Variants in MTA3 observed in about 807,000 individuals in gnomAD.
The protein encoded by MTA3 is metastasis associated 1 family member 3, also known as metastasis-associated protein MTA3.
A neutral mutation model predicts 83.5 loss-of-function variants in MTA3; 34 were observed. The observed-to-expected ratio is 0.41, with a 90% CI of 0.31 to 0.54. The LOEUF (loss-of-function observed/expected upper bound fraction) is 0.54. Ranked by LOEUF, MTA3 falls within the 20% of genes least tolerant of loss-of-function variation. MTA3 has a pLI of 0.33. For synonymous variants in MTA3, 303 were observed against 252.7 expected, an observed-to-expected ratio of 1.20 and a Z score of -1.89; for missense variants, 761 against 726.4, an observed-to-expected ratio of 1.05 and a Z score of -0.55.
At chr2:42,660,135 C>G (rs952465820) in intron 8 of MTA3, among the ~76,000 whole-genome samples, 3 of 151,642 alleles carry the variant, frequency 2.0e-5, no homozygotes, top group Non-Finnish European at 2.9e-5. Flanking sequence ...TGTCACCAGG[C>G]TGGAGTGCAG....
chr2:42,699,925 C>T (rs1693718162), intron 11 of MTA3, among the ~76,000 whole-genome samples: 1 of 151,962 alleles, frequency 6.6e-6, no homozygotes, highest in South Asian at 2.1e-4. Context: ...AGGGCCTTGA[C>T]TTAGCCTTGA....
At chr2:42,508,465 G>A (rs552289365) in intron 2 of MTA3, among the ~76,000 whole-genome samples, 1 of 152,096 alleles carries the variant, frequency 6.6e-6, no homozygotes, top group South Asian at 2.1e-4. Flanking sequence ...CTGAGCATCT[G>A]GGACTACAGG....
chr2:42,506,606 G>A (rs1186352912), intron 2 of MTA3, among the ~76,000 whole-genome samples: 2 of 145,774 alleles, frequency 1.4e-5, no homozygotes, highest in African/African-American at 5.1e-5. Flanking sequence ...ACGGATTGGA[G>A]ATAATTTACT....
intron 9 of MTA3, among the ~76,000 whole-genome samples, chr2:42,694,145 C>T (rs532717720): frequency 2.1e-3 from 317 of 152,290 alleles, no homozygotes; most frequent in Non-Finnish European, 2.9e-3. Flanking sequence ...AGACAAAGTC[C>T]TCTTTACTCT....
intron 16 of MTA3, among the ~76,000 whole-genome samples, chr2:42,743,878 C>G (rs1489048234): frequency 6.6e-6 from 1 of 152,136 alleles, no homozygotes. Context: ...TGATGGCACT[C>G]CTAGGCATGC....
Position 42,704,237 on chromosome 2 carries a change from C to A in MTA3, c.1069C>A (p.Pro357Thr), listed in dbSNP as rs1379740136. 6.2e-7 allele frequency: 1 copy of A among 1,613,884 alleles called. No individual in the cohort carries two copies. The change falls in exon 12 of 17, where the codon CCT becomes ACT. Residue 357 changes from proline to threonine, a missense_variant. Physicochemically the swap from Pro to Thr is conservative, Grantham distance 38. Transcript: ENST00000405094. ...CCAAATATCCACTAGTAATGGGAAG[C>A]CTGGTGCTGTGAATGGAGCTGTGGG... ...PNQISTSNGKPGAVNGAVGTT... is the reference protein window; with the variant it reads ...PNQISTSNGKTGAVNGAVGTT...
At chr2:42,513,741 A>G (rs4953392) in intron 2 of MTA3, among the ~76,000 whole-genome samples, 69,539 of 152,036 alleles carry the variant, frequency 0.46, 16,342 homozygotes, top group African/African-American at 0.55. Context: ...TGAGCCGGGA[A>G]TGAGGGAGAA....
intron 10 of MTA3, among the ~76,000 whole-genome samples, chr2:42,696,896 C>T (rs1185551003): frequency 6.6e-6 from 1 of 152,064 alleles, no homozygotes; most frequent in East Asian, 1.9e-4. Flanking sequence ...TAGATCAAGA[C>T]CATGTAGTCT....
At chr2:42,516,979 G>A (rs1394271386) in intron 2 of MTA3, among the ~76,000 whole-genome samples, 6 of 151,988 alleles carry the variant, frequency 3.9e-5, no homozygotes, top group Non-Finnish European at 8.8e-5. Context: ...AAAAAATTTG[G>A]CCCGGTGTGG....
intron 16 of MTA3, among the ~76,000 whole-genome samples, chr2:42,726,302 T>C (rs1278650464): frequency 2.0e-5 from 3 of 152,046 alleles, no homozygotes; most frequent in Non-Finnish European, 4.4e-5. Context: ...CTTCAGTGGC[T>C]TGCCTCCTCC....
chr2:42,587,523 A>T (rs796442776), intron 3 of MTA3, among the ~76,000 whole-genome samples: 1 of 152,072 alleles, frequency 6.6e-6, no homozygotes, highest in Non-Finnish European at 1.5e-5. Flanking sequence ...TTCCTTTGCA[A>T]TATTTTTTTT....
intron 2 of MTA3, among the ~76,000 whole-genome samples, chr2:42,503,448 A>C (rs1324057330): frequency 1.3e-5 from 2 of 152,108 alleles, no homozygotes; most frequent in Non-Finnish European, 2.9e-5. Flanking sequence ...TGTGACTAAG[A>C]ATGCCTAACC....
intron 2 of MTA3, among the ~76,000 whole-genome samples, chr2:42,499,285 A>G (rs1674289768): frequency 6.6e-6 from 1 of 151,378 alleles, no homozygotes; most frequent in African/African-American, 2.4e-5. Context: ...CTCCTGCCTC[A>G]GCCTCCTGAG....
intron 2 of MTA3, among the ~76,000 whole-genome samples, chr2:42,575,261 C>T (rs956975852): frequency 6.6e-6 from 1 of 152,270 alleles, no homozygotes; most frequent in South Asian, 2.1e-4. Context: ...CATTTATCAC[C>T]TCCAAATATA....
intron 2 of MTA3, among the ~76,000 whole-genome samples, chr2:42,553,656 A>T (rs1677231568): frequency 6.6e-6 from 1 of 150,552 alleles, no homozygotes; most frequent in African/African-American, 2.4e-5. Flanking sequence ...AATGGCTTGA[A>T]CCCAGGAGGT....
intron 4 of MTA3, among the ~76,000 whole-genome samples, chr2:42,611,936 G>A (rs535303921): frequency 6.6e-6 from 1 of 152,238 alleles, no homozygotes; most frequent in South Asian, 2.1e-4. Context: ...TGAATGGCTG[G>A]GACTACAAGT....
intron 4 of MTA3, among the ~76,000 whole-genome samples, chr2:42,633,112 A>G (rs767388573): frequency 2.6e-5 from 4 of 151,930 alleles, no homozygotes; most frequent in Non-Finnish European, 4.4e-5. Flanking sequence ...AAAATACAAA[A>G]ATTAGCTGGG....
At chr2:42,725,272 G>A (rs1029857990) in intron 16 of MTA3, among the ~76,000 whole-genome samples, 1 of 152,196 alleles carries the variant, frequency 6.6e-6, no homozygotes, top group Non-Finnish European at 1.5e-5. Context: ...TGAGAAAAAT[G>A]AGACCTAGAG....
At position 42,636,189 on chromosome 2, in the gene MTA3, A is replaced by G. The variant is rs185806082; in HGVS notation, c.318-3984A>G. Among the ~76,000 whole-genome samples the G allele has an allele frequency of 2.0e-5, 3 of 152,264 alleles. No individual in the cohort carries two copies. The East Asian group carries it at 5.8e-4, about 29-fold the overall frequency. ...TGAAATTCAGTAAGTCTGGTACAGC[A>G]CTAAGATATCTGCACTTTTCTAAGT... On this transcript the variant is annotated intron_variant, in intron 4 of 16. Transcript: ENST00000405094.
Sources: gnomAD v4.1 joint callset for allele counts (sites outside exome capture counted in the v4.1 genomes callset) on GRCh38, gnomAD v4.1.1 for gene constraint, MANE v1.5 for transcripts, NCBI Gene and HGNC (gene_info 2026-07-23, HGNC 2026-07-21) for gene names.